IFT140: variants seen among roughly 807,000 people sequenced by gnomAD.
IFT140 encodes the protein intraflagellar transport 140, also known as intraflagellar transport protein 140 homolog.
In IFT140, 133 loss-of-function variants were observed where a neutral mutation model predicts 164.6. That is an observed-to-expected ratio of 0.81 (90% CI 0.70 to 0.93). The LOEUF is 0.93. Ranked by LOEUF, IFT140 falls within the 40% of genes least tolerant of loss-of-function variation. The pLI is 0.00. For synonymous variants in IFT140, 860 were observed against 817.3 expected (o/e 1.05, Z -0.89); for missense variants, 2,045 against 1,972.3 (o/e 1.04, Z -0.70).
intron 24 of IFT140, 200 bp downstream of exon 24, chr16:1,524,352 G>T: frequency 1.4e-6 from 1 of 706,900 alleles, no homozygotes; most frequent in Non-Finnish European, 2.3e-6. Context: ...ACAATTCAGT[G>T]CTTTGCAAAC....
chr16:1,574,527 C>T (rs112369751), intron 13 of IFT140, among the ~76,000 whole-genome samples: 12,783 of 152,222 alleles, frequency 0.084, 648 homozygotes, highest in African/African-American at 0.14. Flanking sequence ...GCAATCCTCC[C>T]ACCTGGGCCT....
At chr16:1,581,030 G>A (rs556184194) in intron 12 of IFT140, among the ~76,000 whole-genome samples, 180 bp from the exon 13 acceptor site, 7 of 152,284 alleles carry the variant, frequency 4.6e-5, no homozygotes, top group African/African-American at 1.7e-4. Context: ...GGGAACTGTC[G>A]TGGCCACGGC....
intron 30 of IFT140, among the ~76,000 whole-genome samples, chr16:1,511,881 G>A (rs1042197588): frequency 1.3e-5 from 2 of 151,878 alleles, no homozygotes; most frequent in African/African-American, 4.8e-5. Context: ...CTGTAGTGGG[G>A]AGCCAGGTCA....
intron 1 of IFT140, among the ~76,000 whole-genome samples, chr16:1,611,568 A>C (rs1011817936): frequency 2.6e-5 from 4 of 151,870 alleles, no homozygotes; most frequent in Non-Finnish European, 4.4e-5. Context: ...CAAACCCAGT[A>C]CTTTGGGAGG....
In IFT140 at chr16:1,551,404, G is replaced by A. The variant is rs773239983; in HGVS notation, c.2399+6531C>T. Among the ~76,000 whole-genome samples, 6 of 152,128 alleles carry A rather than the reference G, an allele frequency of 3.9e-5. No homozygotes were observed. The highest frequency in any genetic ancestry group is 7.4e-5 in the Non-Finnish European group (5 of 68,022). On this transcript the variant is annotated intron_variant, in intron 19 of 30. Coordinates refer to ENST00000426508, the MANE Select transcript of IFT140 (RefSeq NM_014714.4). This position sits in a 1 kb window ranked among gnomAD's most constrained non-coding sequence, Gnocchi z 4.0. The stretch of plus-strand genomic sequence containing the variant: ...GCACGAGGAGAAGCCCAGAGTAGGT[G>A]GACCCAGTGACTGAGAGGGGTGGAA...
At chr16:1,580,908 G>T in intron 12 of IFT140, 58 bp from the exon 13 acceptor site, 1 of 1,167,534 alleles carries the variant, frequency 8.6e-7, no homozygotes, top group Non-Finnish European at 1.3e-6. Flanking sequence ...CTTGCTGGGA[G>T]TTTCAGGAGC....
chr16:1,593,263 A>G (rs1262171806), intron 4 of IFT140, among the ~76,000 whole-genome samples: 1 of 152,134 alleles, frequency 6.6e-6, no homozygotes, highest in African/African-American at 2.4e-5. Flanking sequence ...GCGTCTCCAC[A>G]TCTTCATGCC....
At chr16:1,599,135 GC>G (rs2035625705) in intron 4 of IFT140, among the ~76,000 whole-genome samples, 1 of 81,012 alleles carries the variant, frequency 1.2e-5, no homozygotes, top group African/African-American at 6.9e-5. Flanking sequence ...GAGCGTCTCT[GC>G]CCGGCCGCCC....
chr16:1,579,462 G>A (rs2034442558), intron 13 of IFT140: 1 of 152,206 alleles, frequency 6.6e-6, no homozygotes, highest in Non-Finnish European at 1.5e-5. Context: ...CACCCTCAGA[G>A]CCTCCAGAAG....
rs763091739 is a variant in IFT140, at chr16:1,602,594, G to T, written c.148-3C>A. ...TGTGTATCTGGCACGCACTCCCCCT[G>T]CATTGGATGAGAGGCAAATTCCCAC... On this transcript the variant is annotated splice_region_variant and splice_polypyrimidine_tract_variant and intron_variant, in intron 3 of 30. Transcript: ENST00000426508. 1 of 1,609,560 alleles carries T rather than the reference G, an allele frequency of 6.2e-7. No homozygotes were observed. Among genetic ancestry groups the T allele is most frequent in the South Asian group, 1.1e-5 (1 of 91,018 alleles).
chr16:1,554,241 G>A (rs911858133), intron 19 of IFT140: 22 of 681,670 alleles, frequency 3.2e-5, no homozygotes, highest in Non-Finnish European at 4.6e-5. Context: ...CCAAGAGCAA[G>A]AAAACTGTCA....
chr16:1,524,948 C>A (rs771326939), intron 22 of IFT140, 32 bp from the exon 23 acceptor site: 13 of 1,582,058 alleles, frequency 8.2e-6, no homozygotes, highest in Non-Finnish European at 1.0e-5. Flanking sequence ...GGATTCTCCA[C>A]CCGAGCCCCG....
intron 18 of IFT140, among the ~76,000 whole-genome samples, chr16:1,560,372 C>T (rs2033338982): frequency 6.6e-6 from 1 of 152,226 alleles, no homozygotes; most frequent in Admixed American, 6.5e-5. Flanking sequence ...CAACCGCACC[C>T]AGGTTCGCGT....
chr16:1,541,960 C>T (rs747616854), intron 19 of IFT140: 7 of 1,609,906 alleles, frequency 4.3e-6, no homozygotes, highest in Middle Eastern at 1.7e-4. Flanking sequence ...CTGGTGGCCA[C>T]GGCCGCGCTC....
At chr16:1,521,951 G>C (rs1043590690) in intron 26 of IFT140, among the ~76,000 whole-genome samples, 2 of 151,796 alleles carry the variant, frequency 1.3e-5, no homozygotes, top group Non-Finnish European at 2.9e-5. Flanking sequence ...GGCTGAGCAT[G>C]GTGGCTCACA....
chr16:1,519,270 C>T (rs1567321692), intron 29 of IFT140, among the ~76,000 whole-genome samples: 1 of 152,218 alleles, frequency 6.6e-6, no homozygotes, highest in Non-Finnish European at 1.5e-5. Context: ...AACAGCCCTG[C>T]CAGCTGAGAC....
chr16:1,580,443 T>G, intron 13 of IFT140: 1 of 241,966 alleles, frequency 4.1e-6, no homozygotes. Context: ...ATCTGGCTGT[T>G]TAGAGTGTGG....
chr16:1,586,873 A>G (rs1292028504), intron 9 of IFT140, among the ~76,000 whole-genome samples: 3 of 152,076 alleles, frequency 2.0e-5, no homozygotes, highest in African/African-American at 7.2e-5. Flanking sequence ...CACCTGGCTA[A>G]TTTTTGTATT....
intron 19 of IFT140, among the ~76,000 whole-genome samples, chr16:1,535,439 ACTCGCAGACACCCCAAGTCT>A (rs1232023801): frequency 1.1e-4 from 16 of 152,196 alleles, no homozygotes; most frequent in African/African-American, 3.6e-4. Context: ...CAAGGTTTTG[ACTCGCAGACACCCCAAGTCT>A]CTGCTGCAGA....
Sources: allele counts gnomAD v4.1 joint callset (sites outside exome capture counted in the v4.1 genomes callset), GRCh38; gene constraint gnomAD v4.1.1; non-coding constraint Gnocchi (gnomAD v3.1); transcripts MANE v1.5; gene names NCBI Gene and HGNC (gene_info 2026-07-23, HGNC 2026-07-21).